Variants in PHTF2 observed in about 807,000 individuals in gnomAD.
PHTF2 encodes the protein putative homeodomain transcription factor 2, also known as protein PHTF2.
PHTF2 carries 60 observed loss-of-function variants against 101.2 expected under a neutral mutation model. The ratio of observed to expected loss-of-function variants is 0.59; its 90% CI spans 0.48 to 0.73. The LOEUF (loss-of-function observed/expected upper bound fraction) is 0.73. Among genes scored for constraint, PHTF2 ranks in the 30% least tolerant of loss-of-function variants. The pLI, the probability that PHTF2 is intolerant of heterozygous loss-of-function variation, is 0.00. For synonymous variants in PHTF2, 311 were observed against 307.3 expected (o/e 1.01, Z -0.13); for missense variants, 747 against 908.7 (o/e 0.82, Z 2.29).
chr7:77,880,188 C>CAT (rs1173992046), intron 3 of PHTF2, among the ~76,000 whole-genome samples: 1 of 152,050 alleles, frequency 6.6e-6, no homozygotes, highest in East Asian at 1.9e-4. Flanking sequence ...ATTTTATGAC[C>CAT]ATAACATTTT....
chr7:77,844,387 A>ACTTTTGGT (rs1796114639), intron 2 of PHTF2, among the ~76,000 whole-genome samples: 1 of 152,190 alleles, frequency 6.6e-6, no homozygotes, highest in Non-Finnish European at 1.5e-5. Context: ...CCATCACTTG[A>ACTTTTGGT]TTTGTAGACT....
chr7:77,879,520 A>C (rs1799232741), intron 3 of PHTF2, among the ~76,000 whole-genome samples: 1 of 152,134 alleles, frequency 6.6e-6, no homozygotes, highest in African/African-American at 2.4e-5. Flanking sequence ...GAACCAGTTG[A>C]ATTATTTCCA....
At chr7:77,840,652 T>G (rs1274633630) in intron 2 of PHTF2, among the ~76,000 whole-genome samples, 1 of 152,068 alleles carries the variant, frequency 6.6e-6, no homozygotes, top group Non-Finnish European at 1.5e-5. Context: ...TTTAATTTGT[T>G]TCTTGTAAGT....
rs1008458972 is a variant in PHTF2 at position 77,805,594 on chromosome 7, A to G, written c.-36+6623A>G. ...TTTTGACTACATCTCACGAATTTTG[A>G]TATGTTTTCATTTTCATTGAAGTTC... On this transcript the variant is annotated intron_variant, in intron 1 of 19. Coordinates refer to ENST00000416283, the Ensembl canonical transcript of PHTF2. Among the ~76,000 whole-genome samples the G allele has an allele frequency of 2.6e-5, 4 of 152,126 alleles. No individual in the cohort carries two copies. In the East Asian group the frequency reaches 7.7e-4, roughly 29 times the overall value.
intron 1 of PHTF2, among the ~76,000 whole-genome samples, chr7:77,813,142 C>G (rs181068487): frequency 2.4e-4 from 37 of 152,252 alleles, no homozygotes; most frequent in African/African-American, 7.7e-4. Context: ...TCCAATTACA[C>G]TGATTTATAC....
At chr7:77,933,221 G>A (rs1378889589) in intron 12 of PHTF2, among the ~76,000 whole-genome samples, 1 of 152,178 alleles carries the variant, frequency 6.6e-6, no homozygotes, top group African/African-American at 2.4e-5. Flanking sequence ...CTGGGCAACA[G>A]AGCGAGACTC....
intron 1 of PHTF2, among the ~76,000 whole-genome samples, chr7:77,836,692 A>G (rs895129461): frequency 1.3e-5 from 2 of 152,166 alleles, no homozygotes; most frequent in Non-Finnish European, 2.9e-5. Flanking sequence ...GCTGGAAACC[A>G]TCATTCTCAG....
intron 3 of PHTF2, among the ~76,000 whole-genome samples, chr7:77,866,283 T>C (rs888800883): frequency 3.3e-5 from 5 of 152,038 alleles, no homozygotes; most frequent in Non-Finnish European, 5.9e-5. Context: ...ATTAGGAGAA[T>C]AAAAGGATTT....
At chr7:77,854,075 T>A (rs1796976212) in intron 2 of PHTF2, among the ~76,000 whole-genome samples, 1 of 152,206 alleles carries the variant, frequency 6.6e-6, no homozygotes, top group South Asian at 2.1e-4. Context: ...TTTGTACCTA[T>A]CCTTCTTGGG....
intron 3 of PHTF2, among the ~76,000 whole-genome samples, chr7:77,888,263 C>T (rs975340348): frequency 2.6e-5 from 4 of 151,994 alleles, no homozygotes; most frequent in African/African-American, 7.2e-5. Flanking sequence ...TACAGGCGTG[C>T]GCCACCACGC....
chr7:77,921,522 T>C (rs866417595), intron 10 of PHTF2, among the ~76,000 whole-genome samples: 1 of 152,344 alleles, frequency 6.6e-6, no homozygotes, highest in African/African-American at 2.4e-5. Flanking sequence ...GGGTAAAGTA[T>C]ATGTTACTAC....
At chr7:77,953,970 A>C in intron 19 of PHTF2, 76 bp downstream of exon 18, 1 of 1,204,052 alleles carries the variant, frequency 8.3e-7, no homozygotes, top group Non-Finnish European at 1.2e-6. Context: ...CCTCACATGC[A>C]CAGTAATGCG....
intron 9 of PHTF2, among the ~76,000 whole-genome samples, chr7:77,916,785 T>G (rs529511866): frequency 6.6e-5 from 10 of 152,334 alleles, no homozygotes; most frequent in Non-Finnish European, 7.3e-5. Context: ...ATAAATGTTA[T>G]GTAAATCATT....
rs767902812 is a variant in PHTF2 at position 77,949,840 on chromosome 7, G to A, written c.2115+7G>A. On this transcript the variant is annotated splice_region_variant and intron_variant, in intron 17 of 19. Coordinates refer to ENST00000416283, the Ensembl canonical transcript of PHTF2. The stretch of plus-strand genomic sequence containing the variant: ...AATATTACTTACTGAACAGGTGAGT[G>A]TGCCTACTTATTATGCTACAAATTA... 3 of 1,396,818 alleles carry A rather than the reference G, an allele frequency of 2.1e-6. No homozygotes were observed. Among genetic ancestry groups the A allele is most frequent in the South Asian group, 2.6e-5 (2 of 76,274 alleles). The allele number at this position is 1,396,818 out of a possible 1,614,324, so 86.5% of individuals were successfully genotyped here.
chr7:77,800,292 G>A (rs755372879), intron 1 of PHTF2, among the ~76,000 whole-genome samples: 6 of 152,206 alleles, frequency 3.9e-5, no homozygotes, highest in Admixed American at 1.3e-4. Flanking sequence ...TAGAGGAGAG[G>A]AATCTGGAGG....
chr7:77,859,710 T>C (rs1337502830), intron 3 of PHTF2, among the ~76,000 whole-genome samples: 1 of 151,986 alleles, frequency 6.6e-6, no homozygotes, highest in Non-Finnish European at 1.5e-5. Flanking sequence ...GCTATGACTA[T>C]AGGCATGCAC....
intron 1 of PHTF2, among the ~76,000 whole-genome samples, chr7:77,825,192 G>T (rs1199704741): frequency 6.6e-6 from 1 of 152,064 alleles, no homozygotes; most frequent in Admixed American, 6.6e-5. Flanking sequence ...ACAAAAAAGG[G>T]GTATCTGTAG....
chr7:77,828,207 A>T (rs1412940940), intron 1 of PHTF2, among the ~76,000 whole-genome samples: 2 of 152,258 alleles, frequency 1.3e-5, no homozygotes, highest in African/African-American at 4.8e-5. Flanking sequence ...TGAGGAAGTT[A>T]AACCATTTAA....
At chr7:77,799,888 G>A (rs1295936576) in intron 1 of PHTF2, among the ~76,000 whole-genome samples, 1 of 152,078 alleles carries the variant, frequency 6.6e-6, no homozygotes, top group African/African-American at 2.4e-5. Flanking sequence ...TGTAGTTTTC[G>A]GTTGCTTTCT....
Sources: gnomAD v4.1 joint callset for allele counts (sites outside exome capture counted in the v4.1 genomes callset) on GRCh38, gnomAD v4.1.1 for gene constraint, MANE v1.5 for transcripts, NCBI Gene and HGNC (gene_info 2026-07-23, HGNC 2026-07-21) for gene names.